YOD1: variants seen among roughly 807,000 people sequenced by gnomAD.
The protein encoded by YOD1 is YOD1 deubiquitinase.
A neutral mutation model predicts 23.7 loss-of-function variants in YOD1; 17 were observed. The observed-to-expected ratio is 0.72, with a 90% CI of 0.49 to 1.07. The LOEUF (loss-of-function observed/expected upper bound fraction) is 1.07, where lower values mean the gene tolerates loss of function less well. Among genes scored for constraint, YOD1 ranks in the 50% least tolerant of loss-of-function variants. The pLI, the probability that YOD1 is intolerant of heterozygous loss-of-function variation, is 0.00. For synonymous variants in YOD1, 191 were observed against 169.6 expected (o/e 1.13, Z -0.98); for missense variants, 413 against 447.2 (o/e 0.92, Z 0.69).
upstream of YOD1, chr1:207,052,253 G>C (rs1364563083): frequency 2.5e-6 from 4 of 1,609,998 alleles, no homozygotes; most frequent in African/African-American, 5.4e-5. Flanking sequence ...CATCTTTCAT[G>C]ACTCAATTTT....
rs1682675460 is a variant in YOD1, at chr1:207,049,289, G to A, written c.778C>T (p.Leu260=). Residue 260 remains leucine, a synonymous_variant, in exon 2 of 2, where the codon CTG becomes TTG. Coordinates refer to ENST00000315927, the MANE Select transcript of YOD1 (RefSeq NM_018566.4). The part of the protein sequence containing the change: ...GEDAGYTKRV[L]LIYDGIHYDP... ...TAGTGGATGCCATCATAAATAAGCAGAACCCTTTTGGTATATCCTGCATCT... is the reference window on the plus strand; with the variant it reads ...TAGTGGATGCCATCATAAATAAGCAAAACCCTTTTGGTATATCCTGCATCT... 1 of 1,613,980 alleles carries A rather than the reference G, an allele frequency of 6.2e-7. No homozygotes were observed.
At chr1:207,050,056 T>A (rs1441910404) in intron 1 of YOD1, among the ~76,000 whole-genome samples, 1 of 152,116 alleles carries the variant, frequency 6.6e-6, no homozygotes, top group African/African-American at 2.4e-5. Context: ...CACTACAGAG[T>A]AGGCCGCTAG....
In YOD1 at chr1:207,051,034, G is replaced by A; in HGVS notation, c.-4C>T. ...GACCTTTAGCGGGGCCAAACATCGC[G>A]AGAAGTTGCGGGTGGTTGCAGTTAT... On this transcript the variant is annotated 5_prime_UTR_variant, in exon 1 of 2. Transcript: ENST00000315927. 1 of 1,499,004 alleles carries A rather than the reference G, an allele frequency of 6.7e-7. No individual in the cohort carries two copies. Among genetic ancestry groups the A allele is most frequent in the South Asian group, 1.2e-5 (1 of 80,422 alleles). The allele number at this position is 1,499,004 out of a possible 1,614,324, so 92.9% of individuals were successfully genotyped here.
rs1189544905 is a variant in YOD1 at position 207,051,113 on chromosome 1, T to C, written c.-83A>G. The C allele has an allele frequency of 7.0e-7, 1 of 1,427,630 alleles. No homozygotes were observed. Among genetic ancestry groups the C allele is most frequent in the African/African-American group, 1.4e-5 (1 of 69,212 alleles). 88.4% of individuals were successfully genotyped at this position (1,427,630 alleles called of 1,614,324 possible). A position where few individuals can be genotyped will look rare whatever the true frequency, so the allele number is the denominator to read the frequency against. On this transcript the variant is annotated 5_prime_UTR_variant, in exon 1 of 2. Transcript: ENST00000315927. Reference sequence around the variant, plus strand: ...AGTACCTTAGCAAGCGCGAACTCTTTTAAAGTGACAACTGATTTTTCCCCC... The same window carrying C: ...AGTACCTTAGCAAGCGCGAACTCTTCTAAAGTGACAACTGATTTTTCCCCC...
At chr1:207,050,607 G>T (rs534379065) in intron 1 of YOD1, 81 bp downstream of exon 1, 1 of 1,581,476 alleles carries the variant, frequency 6.3e-7, no homozygotes, top group South Asian at 1.1e-5. Context: ...CAGCCACCTT[G>T]CCTTGACTGG....
chr1:207,048,220 T>TA lies in YOD1; in HGVS notation c.*799dup, dbSNP rs1682644482. ...TTAAAACACGAGGCCAACGGTCTTT[T>TA]AAAGCTTCAGGAAGCTGCTCAGGCA... is the stretch of plus-strand genomic sequence containing the variant. On this transcript the variant is annotated 3_prime_UTR_variant, in exon 2 of 2. Coordinates refer to ENST00000315927, the MANE Select transcript of YOD1 (RefSeq NM_018566.4). 6.6e-6 allele frequency: 1 copy of TA among 152,660 alleles called. No homozygotes were observed. The highest frequency in any genetic ancestry group is 2.4e-5 in the African/African-American group (1 of 41,464). The allele number at this position is 152,660 out of a possible 1,614,324, so 9.5% of individuals were successfully genotyped here.
upstream of YOD1, chr1:207,052,427 C>T (rs1012333907): frequency 5.4e-5 from 27 of 501,638 alleles, no homozygotes; most frequent in Non-Finnish European, 7.5e-5. Context: ...TTTGGGAGGC[C>T]GAGGCGGGTG....
chr1:207,048,994 G>T lies in YOD1; in HGVS notation c.*26C>A. 6.3e-7 allele frequency: 1 copy of T among 1,593,814 alleles called. No homozygotes were observed. Among genetic ancestry groups the T allele is most frequent in the Non-Finnish European group, 8.6e-7 (1 of 1,167,492 alleles). On this transcript the variant is annotated 3_prime_UTR_variant, in exon 2 of 2. Transcript: ENST00000315927. ...AGCCTTCTGGATGTGTGAGGTAGTA[G>T]GCTTCAACCCTCATTCATGCATAGG...
In YOD1 at chr1:207,046,473, C is replaced by T. The variant is rs1162453812; in HGVS notation, c.*2547G>A. On this transcript the variant is annotated 3_prime_UTR_variant, in exon 2 of 2. Coordinates refer to ENST00000315927, the MANE Select transcript of YOD1 (RefSeq NM_018566.4). ...ATGAGCAAAGGTTTAGGTTTTTAAT[C>T]CTCAATAATTAAATCAGATGGTCCA... 6.6e-6 allele frequency: 1 copy of T among 151,962 alleles called. No individual in the cohort carries two copies. Among genetic ancestry groups the T allele is most frequent in the Non-Finnish European group, 1.5e-5 (1 of 67,892 alleles). 9.4% of individuals were successfully genotyped at this position (151,962 alleles called of 1,614,324 possible). A position where few individuals can be genotyped will look rare whatever the true frequency, so the allele number is the denominator to read the frequency against.
Position 207,050,785 on chromosome 1 carries a change from G to A in YOD1, c.246C>T (p.Ile82=). ...CGAGGATTCGCTGACCGCCGGGGGC[G>A]ATCCCGGTGATGGCGGCAATTTGGC... is the stretch of plus-strand genomic sequence containing the variant. The part of the protein sequence containing the change: ...LQGQIAAITG[I]APGGQRILVG... Residue 82 remains isoleucine, a synonymous_variant, in exon 1 of 2, where the codon ATC becomes ATT. Coordinates refer to ENST00000315927, the MANE Select transcript of YOD1 (RefSeq NM_018566.4). 1 of 1,613,408 alleles carries A rather than the reference G, an allele frequency of 6.2e-7. No homozygotes were observed. Among genetic ancestry groups the A allele is most frequent in the African/African-American group, 1.3e-5 (1 of 75,060 alleles).
rs1269237519 is a variant in YOD1 at position 207,044,158 on chromosome 1, G to A, written c.*4862C>T. ...TCATATTCTAAAGCTCTAATTTGAC[G>A]GTCTTTACTTGTGGTTTTCTTTTTG... On this transcript the variant is annotated 3_prime_UTR_variant, in exon 2 of 2. Coordinates refer to ENST00000315927, the MANE Select transcript of YOD1 (RefSeq NM_018566.4). 1.3e-5 allele frequency: 2 copies of A among 152,248 alleles called. No homozygotes were observed. Among genetic ancestry groups the A allele is most frequent in the East Asian group, 1.9e-4 (1 of 5,202 alleles). The allele number at this position is 152,248 out of a possible 1,614,324, so 9.4% of individuals were successfully genotyped here. A position where few individuals can be genotyped will look rare whatever the true frequency, so the allele number is the denominator to read the frequency against.
rs760096036 is a variant in YOD1, at chr1:207,050,675, C to A, written c.343+13G>T. 1.2e-6 allele frequency: 2 copies of A among 1,612,778 alleles called. No homozygotes were observed. The highest frequency in any genetic ancestry group is 1.7e-6 in the Non-Finnish European group (2 of 1,179,944). On this transcript the variant is annotated intron_variant, in intron 1 of 1. Transcript: ENST00000315927. ...TCCCGGGACTTTCCCTGGCCCCAGC[C>A]CTGATTCCTTACCAGATTGGATGGG...
At chr1:207,050,581 C>A in intron 1 of YOD1, 107 bp downstream of exon 1, 2 of 1,469,250 alleles carry the variant, frequency 1.4e-6, no homozygotes, top group East Asian at 2.3e-5. Context: ...GGCCTCAAAG[C>A]CCCCCCGCCG....
At chr1:207,052,198 G>T (rs1291894683), upstream of YOD1, 1 of 1,612,616 alleles carries the variant, frequency 6.2e-7, no homozygotes, top group East Asian at 2.2e-5. Flanking sequence ...CACTGTAAAA[G>T]ACTTTGCTTC....
chr1:207,049,513 A>C lies in YOD1; in HGVS notation c.554T>G (p.Leu185Arg), dbSNP rs1268040501. 1 of 1,614,054 alleles carries C rather than the reference A, an allele frequency of 6.2e-7. No individual in the cohort carries two copies. The highest frequency in any genetic ancestry group is 8.5e-7 in the Non-Finnish European group (1 of 1,180,040). The change falls in exon 2 of 2, where the codon CTC becomes CGC. Residue 185 changes from leucine to arginine, a missense_variant. By Grantham distance (102) the Leu-to-Arg change is moderately radical. Coordinates refer to ENST00000315927, the MANE Select transcript of YOD1 (RefSeq NM_018566.4). ...ATCGCTTGCTACAATTTGTGCTATG[A>C]GGCGTCTCATCTCAGGGGCACAAGC... is the stretch of plus-strand genomic sequence containing the variant. Reference protein sequence around the residue: ...NPACAPEMRRLIAQIVASDPD... With the variant: ...NPACAPEMRRRIAQIVASDPD...
chr1:207,049,965 A>T (rs1682697014), intron 1 of YOD1, among the ~76,000 whole-genome samples: 2 of 152,240 alleles, frequency 1.3e-5, no homozygotes, highest in Non-Finnish European at 2.9e-5. Context: ...GGTCTGGAGT[A>T]AACAACTTCA....
At chr1:207,052,051 A>T, upstream of YOD1, 1 of 714,682 alleles carries the variant, frequency 1.4e-6, no homozygotes, top group African/African-American at 1.8e-5. Flanking sequence ...TTTTCCAAGA[A>T]ATCCATACTC....
In YOD1 at chr1:207,047,402, T is replaced by C. The variant is rs577857215; in HGVS notation, c.*1618A>G. On this transcript the variant is annotated 3_prime_UTR_variant, in exon 2 of 2. Coordinates refer to ENST00000315927, the MANE Select transcript of YOD1 (RefSeq NM_018566.4). The stretch of plus-strand genomic sequence containing the variant: ...TGTTCCTTAATTTTATATGGCCACC[T>C]TCACCAAGTGAAAGTGCTAAAAATA... 156 of 152,640 alleles carry C rather than the reference T, an allele frequency of 1.0e-3. 1 individual carries two copies. The highest frequency in any genetic ancestry group is 3.6e-3 in the African/African-American group (150 of 41,578). The allele number at this position is 152,640 out of a possible 1,614,324, so 9.5% of individuals were successfully genotyped here. A position where few individuals can be genotyped will look rare whatever the true frequency, so the allele number is the denominator to read the frequency against.
upstream of YOD1, among the ~76,000 whole-genome samples, chr1:207,052,680 A>C (rs1013201985): frequency 6.6e-6 from 1 of 151,964 alleles, no homozygotes; most frequent in Non-Finnish European, 1.5e-5. Flanking sequence ...CCAAACCAAA[A>C]CAAAAAAAAC....
Sources: allele counts gnomAD v4.1 joint callset (sites outside exome capture counted in the v4.1 genomes callset), GRCh38; gene constraint gnomAD v4.1.1; transcripts MANE v1.5; gene names NCBI Gene and HGNC (gene_info 2026-07-23, HGNC 2026-07-21).